The following ANKH variants were observed in gnomAD, a reference collection of about 807,000 sequenced individuals.
The protein encoded by ANKH is ANKH inorganic pyrophosphate transport regulator, also known as mineralization regulator ANKH.
In ANKH, 15 loss-of-function variants were observed where a neutral mutation model predicts 49.0. That is an observed-to-expected ratio of 0.31 (90% CI 0.20 to 0.47). The LOEUF is 0.47. ANKH is among the 20% of genes least tolerant of loss of function. ANKH has a pLI of 1.00. For synonymous variants in ANKH, 273 were observed against 260.0 expected (o/e 1.05, Z -0.48); for missense variants, 429 against 652.0 (o/e 0.66, Z 3.72).
At chr5:14,738,058 T>C (rs996910976) in intron 8 of ANKH, among the ~76,000 whole-genome samples, 1 of 152,168 alleles carries the variant, frequency 6.6e-6, no homozygotes, top group African/African-American at 2.4e-5. Flanking sequence ...TCTTCCACAC[T>C]GGGCAGAAGA....
At chr5:14,727,705 T>C (rs968479393) in intron 8 of ANKH, among the ~76,000 whole-genome samples, 1 of 151,996 alleles carries the variant, frequency 6.6e-6, no homozygotes, top group Admixed American at 6.6e-5. Context: ...TGGAACTTGT[T>C]TGGGACTGGG....
chr5:14,844,490 G>A (rs1741901263), intron 1 of ANKH, among the ~76,000 whole-genome samples: 1 of 152,198 alleles, frequency 6.6e-6, no homozygotes, highest in Admixed American at 6.5e-5. Flanking sequence ...AGCCTTCTGA[G>A]GCTTCAGCCT....
At chr5:14,827,009 C>T (rs1451033130) in intron 1 of ANKH, among the ~76,000 whole-genome samples, 1 of 152,184 alleles carries the variant, frequency 6.6e-6, no homozygotes, top group Non-Finnish European at 1.5e-5. Context: ...TCTTCCCTCA[C>T]CTGCCAGCTA....
chr5:14,863,088 C>T (rs1735546581), intron 1 of ANKH, among the ~76,000 whole-genome samples: 1 of 152,170 alleles, frequency 6.6e-6, no homozygotes, highest in South Asian at 2.1e-4. Context: ...CACGGGCATA[C>T]TGCACAGCAA....
chr5:14,825,105 G>T (rs1435775729), intron 1 of ANKH, among the ~76,000 whole-genome samples: 1 of 152,164 alleles, frequency 6.6e-6, no homozygotes, highest in African/African-American at 2.4e-5. Context: ...AACAAATATT[G>T]AGGAATAGGT....
At chr5:14,867,782 A>T (rs1735692305) in intron 1 of ANKH, among the ~76,000 whole-genome samples, 1 of 151,966 alleles carries the variant, frequency 6.6e-6, no homozygotes, top group Admixed American at 6.6e-5. Flanking sequence ...GATGGTCTCG[A>T]TCTCCTGACC....
At chr5:14,848,638 G>C (rs889750653) in intron 1 of ANKH, among the ~76,000 whole-genome samples, 1 of 152,170 alleles carries the variant, frequency 6.6e-6, no homozygotes, top group Non-Finnish European at 1.5e-5. Flanking sequence ...GCTCCCGATC[G>C]GGCTGGGGCT....
intron 1 of ANKH, among the ~76,000 whole-genome samples, chr5:14,805,516 A>ACACATACACACATATATATAT (rs1554007323): frequency 1.3e-5 from 2 of 149,416 alleles, no homozygotes; most frequent in African/African-American, 4.9e-5. Context: ...ACGTATATAT[A>ACACATACACACATATATATAT]CACATACACA....
intron 1 of ANKH, among the ~76,000 whole-genome samples, chr5:14,771,251 G>C (rs1471740299): frequency 6.6e-6 from 1 of 152,178 alleles, no homozygotes; most frequent in Admixed American, 6.5e-5. Context: ...ATCCACCATT[G>C]TGTTTCACTG....
chr5:14,825,556 T>C (rs1215798855), intron 1 of ANKH, among the ~76,000 whole-genome samples: 1 of 152,178 alleles, frequency 6.6e-6, no homozygotes, highest in Non-Finnish European at 1.5e-5. Context: ...TCTCACTATG[T>C]TGCCCAGGTT....
intron 8 of ANKH, among the ~76,000 whole-genome samples, chr5:14,736,240 T>G (rs144862544): frequency 0.01 from 1,542 of 152,146 alleles, 27 homozygotes; most frequent in African/African-American, 0.036. Context: ...AACCAGTTAT[T>G]TGGGGACCAG....
intron 4 of ANKH, among the ~76,000 whole-genome samples, 172 bp from the exon 5 acceptor site, chr5:14,751,411 T>C (rs1475374646): frequency 6.6e-6 from 1 of 152,260 alleles, no homozygotes; most frequent in Non-Finnish European, 1.5e-5. Context: ...ATGTAATTCA[T>C]GTGCAGATGT....
rs1428131577 is a variant in ANKH, at chr5:14,758,614, AG to A, written c.314-17del. 1.3e-6 allele frequency: 2 copies of A among 1,497,334 alleles called. No homozygotes were observed. The highest frequency in any genetic ancestry group is 9.3e-7 in the Non-Finnish European group (1 of 1,073,454). 92.8% of individuals were successfully genotyped at this position (1,497,334 alleles called of 1,614,324 possible). A position where few individuals can be genotyped will look rare whatever the true frequency, so the allele number is the denominator to read the frequency against. On this transcript the variant is annotated splice_polypyrimidine_tract_variant and intron_variant, in intron 2 of 11. Coordinates refer to ENST00000284268, the MANE Select transcript of ANKH (RefSeq NM_054027.6). ...TCACTATAAGCTGCAAAGTGTCGAA[AG>A]GCATATGTGGAAATATTTAGAAAAG...
At position 14,741,878 on chromosome 5, in the gene ANKH, C is replaced by T. The variant is rs531077860; in HGVS notation, c.960G>A (p.Thr320=). The change falls in exon 8 of 12, where the codon ACG becomes ACA. Residue 320 remains threonine, a synonymous_variant. Coordinates refer to ENST00000284268, the MANE Select transcript of ANKH (RefSeq NM_054027.6). ...AGGTGAACTTCTTGATGTGGGCTGC[C>T]GTGACTGTGTTGCTCGTGCTCACCA... The part of the protein sequence containing the change: ...NKLVSTSNTV[T]AAHIKKFTFV... 9.3e-6 allele frequency: 15 copies of T among 1,614,126 alleles called. No homozygotes were observed. The East Asian group carries it at 1.6e-4, about 17-fold the overall frequency.
rs748455436 is a variant in ANKH at position 14,712,855 on chromosome 5, C to A, written c.1365+19G>T. ...AGGAGGATGCACCCGGGAGGAGGCT[C>A]CCGGCGCGGCTGTCTCACCTGCTTC... On this transcript the variant is annotated intron_variant, in intron 11 of 11. Transcript: ENST00000284268. 1.9e-6 allele frequency: 3 copies of A among 1,584,846 alleles called. No individual in the cohort carries two copies. The highest frequency in any genetic ancestry group is 2.6e-6 in the Non-Finnish European group (3 of 1,165,474).
intron 4 of ANKH, among the ~76,000 whole-genome samples, chr5:14,753,700 T>C (rs902518548): frequency 3.3e-5 from 5 of 152,176 alleles, no homozygotes; most frequent in Non-Finnish European, 7.3e-5. Context: ...CATATCACTG[T>C]TAAAATAATG....
At chr5:14,756,634 C>A (rs1738894589) in intron 3 of ANKH, among the ~76,000 whole-genome samples, 1 of 152,202 alleles carries the variant, frequency 6.6e-6, no homozygotes, top group African/African-American at 2.4e-5. Flanking sequence ...TCCCCAGGTC[C>A]ATGTCAAGAT....
intron 4 of ANKH, 48 bp from the exon 5 acceptor site, chr5:14,751,287 C>A: frequency 6.3e-7 from 1 of 1,593,770 alleles, no homozygotes; most frequent in South Asian, 1.1e-5. Flanking sequence ...AAGCGGGAAC[C>A]GACTGACAGA....
At chr5:14,723,486 C>A (rs1475451907) in intron 8 of ANKH, among the ~76,000 whole-genome samples, 1 of 151,918 alleles carries the variant, frequency 6.6e-6, no homozygotes, top group Non-Finnish European at 1.5e-5. Context: ...ACACAAGACC[C>A]CATCTCTACA....
Sources: allele counts gnomAD v4.1 joint callset (sites outside exome capture counted in the v4.1 genomes callset), GRCh38; gene constraint gnomAD v4.1.1; transcripts MANE v1.5; gene names NCBI Gene and HGNC (gene_info 2026-07-23, HGNC 2026-07-21).